SNX10: variants seen among roughly 807,000 people sequenced by gnomAD.
The protein encoded by SNX10 is sorting nexin-10.
A neutral mutation model predicts 28.5 loss-of-function variants in SNX10; 25 were observed. The ratio of observed to expected loss-of-function variants is 0.88; its 90% CI spans 0.64 to 1.22. The LOEUF (loss-of-function observed/expected upper bound fraction) is 1.22. SNX10 is among the 50% of genes most tolerant of loss of function. SNX10 has a pLI of 0.00. For missense variants in SNX10, 223 were observed against 242.6 expected (o/e 0.92, Z 0.54); for synonymous variants, 62 against 81.4 (o/e 0.76, Z 1.28).
intron 2 of SNX10, 107 bp from the exon 3 acceptor site, chr7:26,360,868 G>A: frequency 1.3e-6 from 2 of 1,539,104 alleles, no homozygotes; most frequent in Non-Finnish European, 8.7e-7. Context: ...GTACCACATT[G>A]GTTAAAGCTC....
intron 2 of SNX10, 138 bp downstream of exon 2, chr7:26,346,604 G>A: frequency 1.4e-6 from 1 of 723,678 alleles, no homozygotes; most frequent in Admixed American, 1.9e-5. Flanking sequence ...TCCTGTACCT[G>A]CTCCTCTACT....
intron 2 of SNX10, among the ~76,000 whole-genome samples, chr7:26,354,558 A>C (rs1788741149): frequency 6.6e-6 from 1 of 152,066 alleles, no homozygotes; most frequent in Non-Finnish European, 1.5e-5. Flanking sequence ...ATGTTTGTTT[A>C]ATTAGTTTTT....
intron 1 of SNX10, among the ~76,000 whole-genome samples, chr7:26,316,116 A>G (rs957441647): frequency 1.6e-4 from 24 of 151,120 alleles, no homozygotes; most frequent in African/African-American, 5.4e-4. Flanking sequence ...CCCCAGAGGC[A>G]GAGCTTGCAG....
chr7:26,302,562 C>T (rs936446800), intron 1 of SNX10, among the ~76,000 whole-genome samples: 6 of 152,178 alleles, frequency 3.9e-5, no homozygotes, highest in African/African-American at 1.4e-4. Flanking sequence ...TACGTATTGC[C>T]CAGGACCCTC....
intron 1 of SNX10, among the ~76,000 whole-genome samples, chr7:26,309,399 C>G (rs1786732011): frequency 6.6e-6 from 1 of 151,382 alleles, no homozygotes; most frequent in Admixed American, 6.6e-5. Flanking sequence ...TCACCAGGAC[C>G]AAACCTGGAA....
Position 26,363,270 on chromosome 7 carries a change from C to T in SNX10, c.112-1265C>T, listed in dbSNP as rs537502489. On this transcript the variant is annotated intron_variant, in intron 3 of 6. Transcript: ENST00000338523. The stretch of plus-strand genomic sequence containing the variant: ...CTTGGGGATAAGCCTTTTAACCTGT[C>T]TACATTCTGAAGTTTTCTGAACTTT... 3.6e-4 allele frequency among the ~76,000 whole-genome samples: 55 copies of T among 152,248 alleles called. 1 individual carries two copies. Among genetic ancestry groups the T allele is most frequent in the African/African-American group, 1.3e-3 (54 of 41,546 alleles).
chr7:26,342,461 C>T (rs532202712), intron 1 of SNX10, among the ~76,000 whole-genome samples: 2 of 152,262 alleles, frequency 1.3e-5, no homozygotes, highest in South Asian at 4.1e-4. Flanking sequence ...AGTTCTAGTA[C>T]CAAATGATAC....
intron 1 of SNX10, among the ~76,000 whole-genome samples, chr7:26,343,109 C>T (rs1474033193): frequency 6.6e-6 from 1 of 152,138 alleles, no homozygotes; most frequent in Non-Finnish European, 1.5e-5. Flanking sequence ...CAGTTTCCTA[C>T]TTCATAGTTG....
chr7:26,342,796 A>G (rs1391502113), intron 1 of SNX10, among the ~76,000 whole-genome samples: 1 of 149,840 alleles, frequency 6.7e-6, no homozygotes, highest in African/African-American at 2.5e-5. Context: ...CAAGTTTCCT[A>G]TTTTCTTTTT....
intron 1 of SNX10, among the ~76,000 whole-genome samples, chr7:26,303,408 C>G (rs138859132): frequency 6.6e-6 from 1 of 152,212 alleles, no homozygotes; most frequent in Non-Finnish European, 1.5e-5. Flanking sequence ...TCTCTACTTG[C>G]ACATGGTTCA....
chr7:26,369,396 T>A (rs1261490508), intron 5 of SNX10, among the ~76,000 whole-genome samples: 1 of 152,222 alleles, frequency 6.6e-6, no homozygotes, highest in Non-Finnish European at 1.5e-5. Context: ...CAAAATAAAT[T>A]AATTATGCTC....
At chr7:26,307,114 T>G (rs879826319) in intron 1 of SNX10, among the ~76,000 whole-genome samples, 16 of 152,182 alleles carry the variant, frequency 1.1e-4, no homozygotes, top group Non-Finnish European at 2.1e-4. Flanking sequence ...TTCCAGTGAG[T>G]TGCGATGCTT....
intron 1 of SNX10, among the ~76,000 whole-genome samples, chr7:26,308,881 G>A (rs1786702544): frequency 6.6e-6 from 1 of 152,146 alleles, no homozygotes; most frequent in South Asian, 2.1e-4. Flanking sequence ...ATTGAACTGG[G>A]TTGGAGGACA....
chr7:26,305,274 C>T (rs1047552278), intron 1 of SNX10, among the ~76,000 whole-genome samples: 2 of 152,224 alleles, frequency 1.3e-5, no homozygotes, highest in African/African-American at 2.4e-5. Context: ...CCCAGTTCCT[C>T]TCTTCAACTT....
At chr7:26,299,967 T>C (rs1562781407) in intron 1 of SNX10, among the ~76,000 whole-genome samples, 1 of 152,052 alleles carries the variant, frequency 6.6e-6, no homozygotes, top group East Asian at 2.0e-4. Context: ...TCCCAGCACT[T>C]TGGGAGGCCG....
At chr7:26,355,640 C>A (rs1451742228) in intron 2 of SNX10, among the ~76,000 whole-genome samples, 4 of 152,112 alleles carry the variant, frequency 2.6e-5, no homozygotes, top group African/African-American at 9.7e-5. Context: ...CTTTAAGAAG[C>A]CAGAAGGACA....
chr7:26,321,525 G>C (rs1217057446), intron 1 of SNX10, among the ~76,000 whole-genome samples: 2 of 152,116 alleles, frequency 1.3e-5, no homozygotes, highest in Admixed American at 6.5e-5. Context: ...GGTCAGTGTT[G>C]AGCCCTTCCC....
chr7:26,361,104 T>A (rs2128021981), intron 3 of SNX10, 43 bp downstream of exon 3: 1 of 1,542,428 alleles, frequency 6.5e-7, no homozygotes, highest in Non-Finnish European at 8.7e-7. Context: ...GAGGGACTTT[T>A]ATGGGATACA....
intron 5 of SNX10, among the ~76,000 whole-genome samples, chr7:26,369,038 A>G (rs2698714): frequency 0.26 from 39,303 of 151,736 alleles, 5,251 homozygotes; most frequent in East Asian, 0.38. Context: ...CAGTTTAGGG[A>G]AAAAAAACAG....
Sources: gnomAD v4.1 joint callset for allele counts (sites outside exome capture counted in the v4.1 genomes callset) on GRCh38, gnomAD v4.1.1 for gene constraint, MANE v1.5 for transcripts, NCBI Gene and HGNC (gene_info 2026-07-23, HGNC 2026-07-21) for gene names.